VWF: variants seen among roughly 807,000 people sequenced by gnomAD.
VWF encodes Factor VIII related antigen.
A neutral mutation model predicts 308.6 loss-of-function variants in VWF; 176 were observed. That is an observed-to-expected ratio of 0.57 (90% confidence interval 0.50 to 0.65). VWF has a LOEUF of 0.65. Among genes scored for constraint, VWF ranks in the 30% least tolerant of loss-of-function variants. VWF has a pLI of 0.00. For missense variants in VWF, 3,146 were observed against 3,648.2 expected (o/e 0.86, Z 3.55); for synonymous variants, 1,385 against 1,443.4 (o/e 0.96, Z 0.92).
intron 47 of VWF, among the ~76,000 whole-genome samples, chr12:5,956,845 A>G (rs1326658269): frequency 1.3e-5 from 2 of 152,206 alleles, no homozygotes; most frequent in Non-Finnish European, 2.9e-5. Flanking sequence ...AAGTTAATTT[A>G]TTATTGAAGA....
Position 6,018,690 on chromosome 12 carries a change from G to T in VWF, c.4728C>A (p.Thr1576=). Residue 1576 remains threonine (T), a synonymous_variant, in exon 28 of 52, where the codon ACC becomes ACA. Coordinates refer to ENST00000261405, the MANE Select transcript of VWF (RefSeq NM_000552.5). Reference sequence around the variant, plus strand: ...GGTACCGCAGGGCCAGCCCAGTGTTGGTCCTGTTGCCGCCCTGGTAGCGGA... The same window carrying T: ...GGTACCGCAGGGCCAGCCCAGTGTTTGTCCTGTTGCCGCCCTGGTAGCGGA... ...REIRYQGGNR[T]NTGLALRYLS... 1 of 1,613,786 alleles carries T rather than the reference G, an allele frequency of 6.2e-7. No individual in the cohort carries two copies. Among genetic ancestry groups the T allele is most frequent in the African/African-American group, 1.3e-5 (1 of 75,042 alleles).
At chr12:6,061,254 TG>T (rs773738017) in intron 13 of VWF, among the ~76,000 whole-genome samples, 13 of 151,896 alleles carry the variant, frequency 8.6e-5, no homozygotes, top group Admixed American at 1.3e-4. Flanking sequence ...AGCACCCCCT[TG>T]AAGACCGGGG....
At chr12:5,990,890 A>ATTT (rs1943733279) in intron 38 of VWF, among the ~76,000 whole-genome samples, 1 of 136,782 alleles carries the variant, frequency 7.3e-6, no homozygotes, top group Non-Finnish European at 1.6e-5. Flanking sequence ...AAAAAAAAAA[A>ATTT]AAAAAAAAAA....
At chr12:6,062,310 T>C (rs1944663090) in intron 13 of VWF, among the ~76,000 whole-genome samples, 1 of 152,020 alleles carries the variant, frequency 6.6e-6, no homozygotes, top group Admixed American at 6.5e-5. Flanking sequence ...GAGGAGTCTA[T>C]CCTAGCCCTG....
At chr12:6,111,080 A>T in intron 3 of VWF, 112 bp from the exon 4 acceptor site, 1 of 939,334 alleles carries the variant, frequency 1.1e-6, no homozygotes, top group East Asian at 2.6e-5. Flanking sequence ...CGCCCCAAAA[A>T]GTCTTTACAA....
chr12:5,949,368 T>C (rs539005687), intron 51 of VWF, among the ~76,000 whole-genome samples, 165 bp from the exon 52 acceptor site: 2 of 152,330 alleles, frequency 1.3e-5, no homozygotes, highest in East Asian at 3.9e-4. Flanking sequence ...AGGAAGATCA[T>C]AGGTCTGACA....
At chr12:5,974,808 C>G (rs577156176) in intron 43 of VWF, among the ~76,000 whole-genome samples, 1 of 152,204 alleles carries the variant, frequency 6.6e-6, no homozygotes, top group African/African-American at 2.4e-5. Context: ...TGTAGGACCA[C>G]GGTGCCCACC....
At chr12:6,064,478 C>T (rs1031495920) in intron 11 of VWF, 94 bp from the exon 12 acceptor site, 10 of 1,554,264 alleles carry the variant, frequency 6.4e-6, no homozygotes, top group Admixed American at 5.5e-5. Context: ...GGCCTCAACC[C>T]GAGAGCCTCT....
chr12:6,021,808 C>T (rs983658286), intron 27 of VWF, 92 bp downstream of exon 27: 1 of 1,490,114 alleles, frequency 6.7e-7, no homozygotes, highest in Non-Finnish European at 9.4e-7. Context: ...ACTCATGTGG[C>T]TAGGACTTTT....
intron 5 of VWF, among the ~76,000 whole-genome samples, chr12:6,103,487 T>C (rs1014629059): frequency 3.5e-5 from 5 of 143,704 alleles, no homozygotes; most frequent in Non-Finnish European, 7.5e-5. Context: ...TATATACATA[T>C]ATGTGTATAC....
In VWF at chr12:6,019,064, C is replaced by T. The variant is rs757471243; in HGVS notation, c.4354G>A (p.Glu1452Lys). ...SVDELEQQRD[E>K]IVSYLCDLAP... ...AGGTCACAGAGGTAGCTAACGATCT[C>T]GTCCCTTTGCTGCTCCAGCTCATCC... Residue 1452 changes from glutamate (E) to lysine (K), a missense_variant, in exon 28 of 52, where the codon GAG (glutamate) becomes AAG (lysine). This residue lies in a region of VWF where 853 missense variants were observed against 1,177.8 expected (regional missense o/e 0.72). Transcript: ENST00000261405. This position sits in a 1 kb window ranked among gnomAD's most constrained non-coding sequence, Gnocchi z 5.8. 1.1e-5 allele frequency: 18 copies of T among 1,613,892 alleles called. No homozygotes were observed. The highest frequency in any genetic ancestry group is 6.7e-5 in the East Asian group (3 of 44,866).
At position 6,011,744 on chromosome 12, in the gene VWF, C is replaced by A; in HGVS notation, c.5715G>T (p.Gln1905His). The A allele has an allele frequency of 6.2e-7, 1 of 1,613,734 alleles. No homozygotes were observed. Among genetic ancestry groups the A allele is most frequent in the Non-Finnish European group, 8.5e-7 (1 of 1,179,818 alleles). ...LPDQCHTVTC[Q>H]PDGQTLLKSH... is the part of the protein sequence containing the mutation. ...TCTTCAGCAAGGTCTGGCCATCTGG[C>A]TGGCAAGTCACGGTGTGGCACTGGT... Residue 1905 changes from glutamine to histidine, a missense_variant, in exon 34 of 52, where the codon CAG becomes CAT. Gln to His is a conservative substitution (Grantham distance 24). Transcript: ENST00000261405.
intron 6 of VWF, among the ~76,000 whole-genome samples, chr12:6,079,790 T>C (rs1008806286): frequency 1.3e-5 from 2 of 151,994 alleles, no homozygotes; most frequent in African/African-American, 4.8e-5. Context: ...ACTATGTATG[T>C]CCCACCCTGG....
In VWF at chr12:6,044,461, A is replaced by T. The variant is rs564519369; in HGVS notation, c.2282-10T>A. On this transcript the variant is annotated splice_polypyrimidine_tract_variant and intron_variant, in intron 17 of 51. Transcript: ENST00000261405. Reference sequence around the variant, plus strand: ...GATAGGCTCCTTTTGCCTCGAAGGTAGGAAAAGCAAAGAGATGATTAGTGA... The same window carrying T: ...GATAGGCTCCTTTTGCCTCGAAGGTTGGAAAAGCAAAGAGATGATTAGTGA... 1 of 1,613,668 alleles carries T rather than the reference A, an allele frequency of 6.2e-7. No homozygotes were observed. The highest frequency in any genetic ancestry group is 1.3e-5 in the African/African-American group (1 of 74,928).
At chr12:5,996,855 T>G (rs1404408154) in intron 34 of VWF, among the ~76,000 whole-genome samples, 1 of 152,130 alleles carries the variant, frequency 6.6e-6, no homozygotes, top group Non-Finnish European at 1.5e-5. Flanking sequence ...TAAAACATTA[T>G]TGGTGAATAC....
At chr12:6,061,110 A>C (rs1313925196) in intron 13 of VWF, among the ~76,000 whole-genome samples, 1 of 152,230 alleles carries the variant, frequency 6.6e-6, no homozygotes, top group East Asian at 1.9e-4. Context: ...TTGAGGCAGG[A>C]GAATCGCTTC....
chr12:5,985,798 C>A (rs1943674130), intron 38 of VWF, 133 bp from the exon 39 acceptor site: 2 of 816,610 alleles, frequency 2.4e-6, no homozygotes, highest in Non-Finnish European at 4.1e-6. Flanking sequence ...GCCTCACAGG[C>A]AAACAAAAGC....
At chr12:6,073,504 A>G in intron 8 of VWF, 115 bp downstream of exon 8, 1 of 1,453,008 alleles carries the variant, frequency 6.9e-7, no homozygotes, top group East Asian at 2.3e-5. Flanking sequence ...AAACTTAATA[A>G]AAGGCTTCTG....
chr12:5,989,603 G>A (rs1017359734), intron 38 of VWF, among the ~76,000 whole-genome samples: 1 of 152,062 alleles, frequency 6.6e-6, no homozygotes, highest in Non-Finnish European at 1.5e-5. Context: ...CAAAATATTT[G>A]GATGGAAACT....
Sources: allele counts gnomAD v4.1 joint callset (sites outside exome capture counted in the v4.1 genomes callset), GRCh38; gene constraint gnomAD v4.1.1; regional missense constraint gnomAD v4.1.1; non-coding constraint Gnocchi (gnomAD v3.1); transcripts MANE v1.5; gene names NCBI Gene and HGNC (gene_info 2026-07-23, HGNC 2026-07-21).